STX2: variants seen among roughly 807,000 people sequenced by gnomAD.
STX2 encodes syntaxin-2.
STX2 carries 27 observed loss-of-function variants against 40.6 expected under a neutral mutation model. That is an observed-to-expected ratio of 0.66 (90% confidence interval 0.49 to 0.92). The LOEUF (loss-of-function observed/expected upper bound fraction) is 0.92. Ranked by LOEUF, STX2 falls within the 40% of genes least tolerant of loss-of-function variation. The pLI, the probability that STX2 is intolerant of heterozygous loss-of-function variation, is 0.00. For missense variants in STX2, 328 were observed against 366.1 expected (o/e 0.90, Z 0.85); for synonymous variants, 123 against 119.1 (o/e 1.03, Z -0.22).
chr12:130,808,594 C>T (rs550400701), intron 5 of STX2, 37 bp downstream of exon 5: 70 of 1,558,876 alleles, frequency 4.5e-5, no homozygotes, highest in African/African-American at 3.6e-4. Flanking sequence ...ACTTATTCTG[C>T]GACATTACTT....
At chr12:130,829,711 T>C (rs1394662621) in intron 1 of STX2, among the ~76,000 whole-genome samples, 4 of 152,210 alleles carry the variant, frequency 2.6e-5, no homozygotes, top group Non-Finnish European at 5.9e-5. Flanking sequence ...TGCTTCCCTA[T>C]GGCTATCTGC....
At chr12:130,812,913 C>G (rs1951714363) in intron 4 of STX2, 44 bp downstream of exon 4, 1 of 1,281,236 alleles carries the variant, frequency 7.8e-7, no homozygotes, top group South Asian at 1.4e-5. Flanking sequence ...AACAAATACC[C>G]ATACTCCCAA....
intron 4 of STX2, among the ~76,000 whole-genome samples, chr12:130,810,403 G>A (rs1951603343): frequency 6.6e-6 from 1 of 152,172 alleles, no homozygotes. Context: ...AAAAAGCCTA[G>A]GAAAGAATGG....
intron 3 of STX2, among the ~76,000 whole-genome samples, chr12:130,816,216 G>A (rs1186238434): frequency 1.3e-5 from 2 of 152,198 alleles, no homozygotes; most frequent in Non-Finnish European, 1.5e-5. Flanking sequence ...GACTAGACTC[G>A]GGAGACGGTC....
intron 1 of STX2, among the ~76,000 whole-genome samples, chr12:130,836,906 C>A (rs1952771334): frequency 1.3e-5 from 2 of 152,186 alleles, no homozygotes; most frequent in Admixed American, 1.3e-4. Context: ...TCTAGCTCTG[C>A]CGTTCTAGAA....
intron 1 of STX2, among the ~76,000 whole-genome samples, chr12:130,837,945 T>C (rs1343379741): frequency 1.3e-5 from 2 of 152,238 alleles, no homozygotes; most frequent in African/African-American, 4.8e-5. Context: ...TCATTGCCTT[T>C]CTCAACCAGA....
At chr12:130,829,097 G>A (rs140042139) in intron 1 of STX2, among the ~76,000 whole-genome samples, 94 of 152,104 alleles carry the variant, frequency 6.2e-4, no homozygotes, top group African/African-American at 2.0e-3. Flanking sequence ...ACACCCCCTA[G>A]TCCCCACCAT....
At chr12:130,827,909 C>T (rs1952385724) in intron 1 of STX2, among the ~76,000 whole-genome samples, 1 of 152,274 alleles carries the variant, frequency 6.6e-6, no homozygotes, top group South Asian at 2.1e-4. Flanking sequence ...ACTACCTGAA[C>T]CTGGCAGGTT....
At chr12:130,826,469 G>T (rs1425566515) in intron 2 of STX2, among the ~76,000 whole-genome samples, 2 of 152,192 alleles carry the variant, frequency 1.3e-5, no homozygotes, top group African/African-American at 4.8e-5. Context: ...CACCAGCAGA[G>T]GGCGCTGCAG....
At position 130,839,075 on chromosome 12, in the gene STX2, T is replaced by A; in HGVS notation, c.25A>T (p.Thr9Ser). ...TACCCGCGGCTGCCGCTCACCGCCG[T>A]CAGGTCTGGCAGCCGGTCCCGCATC... The part of the protein sequence containing the change: MRDRLPDL[T>S]ACRKNDDGDT... The change falls in exon 1 of 11, where the codon ACG (threonine) becomes TCG (serine). Residue 9 changes from threonine to serine, a missense_variant. By Grantham distance (58) the Thr-to-Ser change is moderately conservative (BLOSUM62 1). Coordinates refer to ENST00000392373, the MANE Select transcript of STX2 (RefSeq NM_194356.4). 7.5e-7 allele frequency: 1 copy of A among 1,335,500 alleles called. No homozygotes were observed. Among genetic ancestry groups the A allele is most frequent in the Non-Finnish European group, 9.6e-7 (1 of 1,039,176 alleles). 82.7% of individuals were successfully genotyped at this position (1,335,500 alleles called of 1,614,324 possible).
chr12:130,806,029 T>C (rs771888851), intron 6 of STX2, among the ~76,000 whole-genome samples: 1 of 152,192 alleles, frequency 6.6e-6, no homozygotes, highest in African/African-American at 2.4e-5. Context: ...CAGAAACCAG[T>C]GTCTCCGATG....
intron 4 of STX2, among the ~76,000 whole-genome samples, chr12:130,809,243 G>T (rs557864764): frequency 6.6e-6 from 1 of 151,530 alleles, no homozygotes; most frequent in Non-Finnish European, 1.5e-5. Flanking sequence ...GATACACACA[G>T]ATATATATAC....
At position 130,834,262 on chromosome 12, in the gene STX2, C is replaced by T. The variant is rs554097446; in HGVS notation, c.30+4808G>A. On this transcript the variant is annotated intron_variant, in intron 1 of 10. Coordinates refer to ENST00000392373, the MANE Select transcript of STX2 (RefSeq NM_194356.4). ...AGCTGGGTGTCATGGGAGGCTGAGG[C>T]GGGAGAATTCCTTGAACCCTAGAGG... is the stretch of plus-strand genomic sequence containing the variant. Among the ~76,000 whole-genome samples the T allele has an allele frequency of 2.5e-4, 37 of 146,096 alleles. 1 individual carries two copies. In the South Asian group the frequency reaches 8.6e-3, roughly 34 times the overall value.
At chr12:130,800,190 A>C (rs1050662059) in intron 8 of STX2, among the ~76,000 whole-genome samples, 4 of 152,210 alleles carry the variant, frequency 2.6e-5, no homozygotes, top group Admixed American at 1.3e-4. Context: ...TCAAAGACAA[A>C]GAGCGAGTGT....
intron 6 of STX2, among the ~76,000 whole-genome samples, chr12:130,803,582 C>T (rs1039975261): frequency 2.7e-5 from 4 of 148,902 alleles, no homozygotes. Flanking sequence ...TGGGAGGATC[C>T]CTTGGATCCA....
intron 1 of STX2, among the ~76,000 whole-genome samples, chr12:130,830,962 G>A (rs533184596): frequency 1.3e-5 from 2 of 152,240 alleles, no homozygotes; most frequent in African/African-American, 2.4e-5. Flanking sequence ...ATTCCATTTC[G>A]GTTAAATGTT....
chr12:130,821,849 C>T (rs1452233496), intron 2 of STX2, 61 bp from the exon 3 acceptor site: 6 of 1,032,118 alleles, frequency 5.8e-6, no homozygotes, highest in Middle Eastern at 2.1e-4. Flanking sequence ...ACTTTTCATC[C>T]CCTAAAAGGG....
rs1008388634 is a variant in STX2 at position 130,790,910 on chromosome 12, G to A, written c.*1113C>T. On this transcript the variant is annotated 3_prime_UTR_variant, in exon 11 of 11. Coordinates refer to ENST00000392373, the MANE Select transcript of STX2 (RefSeq NM_194356.4). Reference sequence around the variant, plus strand: ...CACCAGCACATTTAAACTCACAGAAGGCACTTGAGGGCTTTGAGGGGCTTT... The same window carrying A: ...CACCAGCACATTTAAACTCACAGAAAGCACTTGAGGGCTTTGAGGGGCTTT... 1 of 152,610 alleles carries A rather than the reference G, an allele frequency of 6.6e-6. No homozygotes were observed. The highest frequency in any genetic ancestry group is 1.5e-5 in the Non-Finnish European group (1 of 68,032). The allele number at this position is 152,610 out of a possible 1,614,324, so 9.5% of individuals were successfully genotyped here.
intron 3 of STX2, among the ~76,000 whole-genome samples, chr12:130,817,262 A>G (rs374704007): frequency 8.2e-4 from 125 of 152,334 alleles, no homozygotes; most frequent in African/African-American, 2.9e-3. Flanking sequence ...AGAGAATAGG[A>G]CAGTATTAAA....
Sources: allele counts gnomAD v4.1 joint callset (sites outside exome capture counted in the v4.1 genomes callset), GRCh38; gene constraint gnomAD v4.1.1; transcripts MANE v1.5; gene names NCBI Gene and HGNC (gene_info 2026-07-23, HGNC 2026-07-21).